Variants in FANK1 observed in about 807,000 individuals in gnomAD.
The protein encoded by FANK1 is fibronectin type 3 and ankyrin repeat domains protein 1.
In FANK1, 44 loss-of-function variants were observed where a neutral mutation model predicts 45.3. The ratio of observed to expected loss-of-function variants is 0.97; its 90% CI spans 0.76 to 1.25. The LOEUF is 1.25. Ranked by LOEUF, FANK1 falls within the 50% of genes most tolerant of loss-of-function variation. The pLI is 0.00. For synonymous variants in FANK1, 149 were observed against 152.5 expected, an observed-to-expected ratio of 0.98 and a Z score of 0.17; for missense variants, 391 against 424.4, an observed-to-expected ratio of 0.92 and a Z score of 0.69.
Position 125,995,407 on chromosome 10 carries a change from A to G in FANK1, c.317-10A>G, listed in dbSNP as rs763552659. The G allele has an allele frequency of 6.2e-7, 1 of 1,613,718 alleles. No individual in the cohort carries two copies. Among genetic ancestry groups the G allele is most frequent in the Admixed American group, 1.7e-5 (1 of 60,006 alleles). ...GTTCTGGATGACTGCCTTCCATCTC[A>G]TTTCTCCAGGAGAGCCCATAAGTAG... On this transcript the variant is annotated splice_polypyrimidine_tract_variant and intron_variant, in intron 3 of 10. Transcript: ENST00000368693.
intron 1 of FANK1, among the ~76,000 whole-genome samples, chr10:125,932,046 T>G (rs1227542319): frequency 6.6e-6 from 1 of 152,164 alleles, no homozygotes; most frequent in Non-Finnish European, 1.5e-5. Context: ...CTATTCTGTT[T>G]CATTGTTTCT....
intron 1 of FANK1, among the ~76,000 whole-genome samples, chr10:125,935,494 CTTG>C (rs990758203): frequency 2.0e-5 from 3 of 152,104 alleles, no homozygotes; most frequent in African/African-American, 7.2e-5. Flanking sequence ...AAACTAAAGT[CTTG>C]TTGGGAACTT....
chr10:125,942,800 T>A (rs188454293), intron 1 of FANK1, among the ~76,000 whole-genome samples: 2 of 151,950 alleles, frequency 1.3e-5, no homozygotes, highest in East Asian at 3.9e-4. Context: ...ATCTGAAATT[T>A]TTTTATAATT....
chr10:125,997,315 G>C (rs1952408477), intron 5 of FANK1, 105 bp from the exon 6 acceptor site: 4 of 839,604 alleles, frequency 4.8e-6, no homozygotes, highest in Non-Finnish European at 7.3e-6. Flanking sequence ...AGAAACTGTT[G>C]AAAGATACAT....
intron 1 of FANK1, among the ~76,000 whole-genome samples, chr10:125,969,125 TTTAAA>T (rs1371483914): frequency 1.3e-5 from 2 of 152,182 alleles, no homozygotes; most frequent in Non-Finnish European, 1.5e-5. Flanking sequence ...TTGAGAAACT[TTTAAA>T]ATAAGAAATA....
intron 7 of FANK1, among the ~76,000 whole-genome samples, chr10:126,007,681 G>A (rs553848354): frequency 0.014 from 1,306 of 90,974 alleles, 18 homozygotes; most frequent in African/African-American, 0.039. Flanking sequence ...CATGGTATGC[G>A]TGTGTGCACA....
chr10:125,896,960 C>G (rs888161658), intron 1 of FANK1, among the ~76,000 whole-genome samples: 1 of 152,172 alleles, frequency 6.6e-6, no homozygotes, highest in African/African-American at 2.4e-5. Flanking sequence ...CCTGAAACTT[C>G]GCCCGGACGG....
intron 1 of FANK1, among the ~76,000 whole-genome samples, chr10:125,965,643 C>A (rs1950166521): frequency 6.6e-6 from 1 of 152,216 alleles, no homozygotes; most frequent in East Asian, 1.9e-4. Context: ...CCTTGGTCTC[C>A]TCCTCTCTGT....
intron 2 of FANK1, among the ~76,000 whole-genome samples, chr10:125,985,912 G>C (rs1346470756): frequency 6.6e-6 from 1 of 152,092 alleles, no homozygotes; most frequent in Non-Finnish European, 1.5e-5. Flanking sequence ...CTTACTAGGT[G>C]GCCTCTTTCT....
At chr10:125,947,683 C>G (rs1948909666) in intron 1 of FANK1, among the ~76,000 whole-genome samples, 1 of 149,190 alleles carries the variant, frequency 6.7e-6, no homozygotes, top group African/African-American at 2.5e-5. Context: ...TAACACCCCA[C>G]TGTCAACATT....
chr10:125,951,923 G>T (rs1173810314), intron 1 of FANK1, among the ~76,000 whole-genome samples: 3 of 152,124 alleles, frequency 2.0e-5, no homozygotes, highest in East Asian at 1.9e-4. Flanking sequence ...AATTATTCTT[G>T]TACTGTAAAT....
At chr10:125,915,352 T>C (rs1377503741) in intron 1 of FANK1, among the ~76,000 whole-genome samples, 2 of 151,944 alleles carry the variant, frequency 1.3e-5, no homozygotes, top group African/African-American at 2.4e-5. Flanking sequence ...ACACATCTAT[T>C]ACTCAGAATA....
intron 1 of FANK1, among the ~76,000 whole-genome samples, chr10:125,958,216 C>A (rs1166884657): frequency 6.6e-6 from 1 of 152,140 alleles, no homozygotes; most frequent in East Asian, 1.9e-4. Context: ...TTTACCCTTC[C>A]CAGCCTCTAG....
intron 1 of FANK1, among the ~76,000 whole-genome samples, chr10:125,897,998 CAAAAAAAAAAAAAAAAAAAAAAAA>C (rs373550249): frequency 6.0e-5 from 1 of 16,792 alleles, no homozygotes; most frequent in Non-Finnish European, 1.1e-4. Context: ...TACTAAAATA[CAAAAAAAAAAAAAAAAAAAAAAAA>C]AAAAAAAAAA....
intron 3 of FANK1, chr10:125,989,398 G>A: frequency 1.3e-6 from 2 of 1,525,744 alleles, no homozygotes; most frequent in Non-Finnish European, 8.9e-7. Flanking sequence ...CCTTCCTTTT[G>A]TGAGTAAAGC....
intron 1 of FANK1, among the ~76,000 whole-genome samples, chr10:125,919,659 G>A (rs1946801081): frequency 6.6e-6 from 1 of 152,122 alleles, no homozygotes; most frequent in Admixed American, 6.5e-5. Flanking sequence ...CCTTTAGAAA[G>A]GAGCAAGTCT....
At chr10:125,970,627 A>C (rs1035253637) in intron 1 of FANK1, among the ~76,000 whole-genome samples, 3 of 152,204 alleles carry the variant, frequency 2.0e-5, no homozygotes, top group African/African-American at 7.2e-5. Context: ...AGCCGGGCCA[A>C]CACGGCGAAA....
chr10:125,971,629 T>C (rs1166284971), intron 1 of FANK1, among the ~76,000 whole-genome samples: 1 of 152,074 alleles, frequency 6.6e-6, no homozygotes, highest in Non-Finnish European at 1.5e-5. Context: ...CACCCTGGTC[T>C]ACATTTTTCT....
chr10:126,005,729 A>G (rs1356439815), intron 7 of FANK1, among the ~76,000 whole-genome samples: 1 of 152,240 alleles, frequency 6.6e-6, no homozygotes, highest in Non-Finnish European at 1.5e-5. Context: ...ATATTAAGAG[A>G]GCCCTTATAG....
Sources: allele counts gnomAD v4.1 joint callset (sites outside exome capture counted in the v4.1 genomes callset), GRCh38; gene constraint gnomAD v4.1.1; transcripts MANE v1.5; gene names NCBI Gene and HGNC (gene_info 2026-07-23, HGNC 2026-07-21).